The following ASIC2 variants were observed in gnomAD, a reference collection of about 807,000 sequenced individuals.
ASIC2 encodes the protein acid-sensing ion channel 2.
A neutral mutation model predicts 57.3 loss-of-function variants in ASIC2; 25 were observed. That is an observed-to-expected ratio of 0.44 (90% CI 0.32 to 0.61). The LOEUF is 0.61. Ranked by LOEUF, ASIC2 falls within the 20% of genes least tolerant of loss-of-function variation. The pLI, the probability that ASIC2 is intolerant of heterozygous loss-of-function variation, is 0.06. For synonymous variants in ASIC2, 319 were observed against 307.5 expected (o/e 1.04, Z -0.39); for missense variants, 641 against 738.1 (o/e 0.87, Z 1.52).
chr17:33,252,956 C>T (rs1271720479), intron 1 of ASIC2, among the ~76,000 whole-genome samples: 1 of 152,170 alleles, frequency 6.6e-6, no homozygotes, highest in East Asian at 1.9e-4. Flanking sequence ...CCAGATCCAC[C>T]TGGATTCCCA....
At chr17:34,124,514 T>A (rs1036350460) in intron 1 of ASIC2, among the ~76,000 whole-genome samples, 1 of 152,198 alleles carries the variant, frequency 6.6e-6, no homozygotes, top group Non-Finnish European at 1.5e-5. Flanking sequence ...TCTGATGGGT[T>A]TGCCTGTTCA....
At chr17:33,021,169 C>CA in intron 7 of ASIC2, 50 bp downstream of exon 7, 2 of 797,908 alleles carry the variant, frequency 2.5e-6, no homozygotes, top group Non-Finnish European at 4.3e-6. Context: ...TCCTCCCTCC[C>CA]TCCCACCCTC....
chr17:33,553,651 A>G (rs1431377554), intron 1 of ASIC2, among the ~76,000 whole-genome samples: 1 of 152,122 alleles, frequency 6.6e-6, no homozygotes, highest in African/African-American at 2.4e-5. Flanking sequence ...AAGCTTCTTT[A>G]ATACCAGATA....
chr17:33,371,431 A>G (rs1201295347), intron 1 of ASIC2, among the ~76,000 whole-genome samples: 1 of 152,254 alleles, frequency 6.6e-6, no homozygotes, highest in East Asian at 1.9e-4. Flanking sequence ...CACACAACAC[A>G]TGGCCCAGGA....
At chr17:33,114,111 A>G (rs2092271125) in intron 1 of ASIC2, among the ~76,000 whole-genome samples, 1 of 152,216 alleles carries the variant, frequency 6.6e-6, no homozygotes, top group Non-Finnish European at 1.5e-5. Flanking sequence ...TTTCCTCACT[A>G]TACGAAACAG....
intron 1 of ASIC2, among the ~76,000 whole-genome samples, chr17:34,047,706 C>A (rs1277276763): frequency 1.3e-5 from 2 of 151,996 alleles, no homozygotes; most frequent in Non-Finnish European, 2.9e-5. Flanking sequence ...GCAGAAGTGA[C>A]AATGTGCCAG....
At chr17:33,207,518 C>T (rs751927890) in intron 1 of ASIC2, among the ~76,000 whole-genome samples, 1 of 152,182 alleles carries the variant, frequency 6.6e-6, no homozygotes, top group African/African-American at 2.4e-5. Flanking sequence ...GACAGACTGT[C>T]GGTTCCTGGA....
chr17:33,147,660 T>G (rs1454706978), intron 1 of ASIC2, among the ~76,000 whole-genome samples: 1 of 152,204 alleles, frequency 6.6e-6, no homozygotes, highest in Non-Finnish European at 1.5e-5. Context: ...TAGGAGGATC[T>G]GCTAATAATT....
intron 1 of ASIC2, among the ~76,000 whole-genome samples, chr17:33,826,403 G>A (rs1912912687): frequency 6.6e-6 from 1 of 152,188 alleles, no homozygotes; most frequent in Non-Finnish European, 1.5e-5. Flanking sequence ...TCTAAAATCA[G>A]GGCTATAGCA....
intron 1 of ASIC2, among the ~76,000 whole-genome samples, chr17:34,050,771 G>A (rs1908527313): frequency 6.6e-6 from 1 of 152,184 alleles, no homozygotes; most frequent in Non-Finnish European, 1.5e-5. Context: ...CAGAGCAAAA[G>A]ATGATAAATG....
rs142138259 is a variant in ASIC2 at position 33,595,506 on chromosome 17, G to A, written c.556-483439C>T. Among the ~76,000 whole-genome samples, 239 of 152,366 alleles carry A rather than the reference G, an allele frequency of 1.6e-3. 1 individual carries two copies. Among genetic ancestry groups the A allele is most frequent in the African/African-American group, 5.7e-3 (236 of 41,582 alleles). ...ACTTATGTAGCCTTTAACTGCGTAA[G>A]AAGCATTGGGAGCCTCAGCTATAGG... On this transcript the variant is annotated intron_variant, in intron 1 of 9. Transcript: ENST00000359872.
chr17:33,735,781 G>A (rs113341666), intron 1 of ASIC2, among the ~76,000 whole-genome samples: 3 of 152,222 alleles, frequency 2.0e-5, no homozygotes, highest in African/African-American at 7.2e-5. Flanking sequence ...ATGATTAGAA[G>A]GGTCTCCCTC....
intron 3 of ASIC2, among the ~76,000 whole-genome samples, chr17:33,073,896 C>A (rs950122914): frequency 6.6e-6 from 1 of 152,110 alleles, no homozygotes; most frequent in African/African-American, 2.4e-5. Flanking sequence ...GTTAGGAGTC[C>A]TGCCAACAGA....
intron 2 of ASIC2, among the ~76,000 whole-genome samples, chr17:33,105,281 G>C (rs1037701195): frequency 1.3e-5 from 2 of 152,188 alleles, no homozygotes; most frequent in African/African-American, 4.8e-5. Context: ...CTGTGCTGTT[G>C]TTGTGATAGT....
chr17:33,772,547 C>G (rs1911143916), intron 1 of ASIC2, among the ~76,000 whole-genome samples: 2 of 152,166 alleles, frequency 1.3e-5, no homozygotes, highest in South Asian at 4.1e-4. Flanking sequence ...GGGCCAAGGA[C>G]CTTGGCCCCA....
intron 1 of ASIC2, among the ~76,000 whole-genome samples, chr17:33,576,369 G>A (rs1916621080): frequency 6.6e-6 from 1 of 152,180 alleles, no homozygotes; most frequent in African/African-American, 2.4e-5. Context: ...TTGTAATTCA[G>A]GTATAGATGT....
At chr17:33,920,612 T>C (rs557670250) in intron 1 of ASIC2, among the ~76,000 whole-genome samples, 1 of 152,262 alleles carries the variant, frequency 6.6e-6, no homozygotes, top group East Asian at 1.9e-4. Flanking sequence ...GGTACTATGC[T>C]CACTACCTGG....
intron 1 of ASIC2, among the ~76,000 whole-genome samples, chr17:33,379,315 A>T (rs1909393449): frequency 6.6e-6 from 1 of 152,220 alleles, no homozygotes; most frequent in South Asian, 2.1e-4. Context: ...ACACTCTGGC[A>T]GTTGCGAAGT....
chr17:33,376,725 C>A (rs1262437749), intron 1 of ASIC2, among the ~76,000 whole-genome samples: 1 of 152,134 alleles, frequency 6.6e-6, no homozygotes, highest in African/African-American at 2.4e-5. Context: ...AATTCTTTAA[C>A]CAACTTATCT....
Sources: allele counts gnomAD v4.1 joint callset (sites outside exome capture counted in the v4.1 genomes callset), GRCh38; gene constraint gnomAD v4.1.1; transcripts MANE v1.5; gene names NCBI Gene and HGNC (gene_info 2026-07-23, HGNC 2026-07-21).